Variants in POF1B observed in about 807,000 individuals in gnomAD.
The protein encoded by POF1B is protein POF1B.
POF1B carries 53 observed loss-of-function variants against 55.3 expected under a neutral mutation model. The observed-to-expected ratio is 0.96, with a 90% CI of 0.77 to 1.20. POF1B has a LOEUF of 1.20. Ranked by LOEUF, POF1B falls within the 50% of genes most tolerant of loss-of-function variation. The pLI is 0.00. For missense variants in POF1B, 478 were observed against 420.5 expected (o/e 1.14, Z -1.20); for synonymous variants, 188 against 148.3 (o/e 1.27, Z -1.95).
intron 9 of POF1B, among the ~76,000 whole-genome samples, chrX:85,313,148 C>A (rs1332650664): frequency 1.8e-5 from 2 of 111,736 alleles, no homozygotes; most frequent in Non-Finnish European, 3.8e-5. Context: ...TCCTCTCTTG[C>A]TATTTGAATC....
chrX:85,303,510 A>G, intron 14 of POF1B, 22 bp from the exon 15 acceptor site: 3 of 1,004,966 alleles, frequency 3.0e-6, no homozygotes, highest in Non-Finnish European at 4.2e-6. Flanking sequence ...AAGATAATAT[A>G]ATCATTTGAT....
At chrX:85,290,185 C>T (rs67075411) in intron 15 of POF1B, among the ~76,000 whole-genome samples, 23,713 of 110,083 alleles carry the variant, frequency 0.22, 2,457 homozygotes, top group African/African-American at 0.4. Flanking sequence ...ATGTTTAGCT[C>T]CCACATTTAA....
rs1932765978 is a variant in POF1B at position 85,314,507 on chromosome X, C to T, written c.883-1G>A. 2.5e-6 allele frequency: 3 copies of T among 1,178,061 alleles called. No homozygotes were observed. The highest frequency in any genetic ancestry group is 3.4e-6 in the Non-Finnish European group (3 of 878,868). On this transcript the variant is annotated splice_acceptor_variant, in intron 8 of 16. Coordinates refer to ENST00000262753, the MANE Select transcript of POF1B (RefSeq NM_024921.4). LOFTEE classifies it high-confidence loss of function. ...GAATCAATGATTCAATGTCTTCCGA[C>T]TGTAAGAAAAAAAGGCTTATCCATG...
intron 3 of POF1B, among the ~76,000 whole-genome samples, chrX:85,366,121 A>C (rs1317572025): frequency 8.9e-6 from 1 of 112,262 alleles, no homozygotes; most frequent in African/African-American, 3.2e-5. Context: ...CAAACTAGGA[A>C]TCAAACATAG....
intron 15 of POF1B, among the ~76,000 whole-genome samples, chrX:85,285,452 C>G (rs1203339228): frequency 9.0e-6 from 1 of 110,776 alleles, no homozygotes; most frequent in Non-Finnish European, 1.9e-5. Flanking sequence ...ACATATACAC[C>G]ATGGAATACT....
At chrX:85,328,168 T>TTTTATTTATTTA (rs200508166) in intron 7 of POF1B, among the ~76,000 whole-genome samples, 38 of 100,500 alleles carry the variant, frequency 3.8e-4, no homozygotes, top group Middle Eastern at 5.1e-3. Context: ...ACAATATCTT[T>TTTTATTTATTTA]TTTATTTATT....
At chrX:85,307,540 C>G (rs1338089235) in intron 10 of POF1B, among the ~76,000 whole-genome samples, 2 of 111,031 alleles carry the variant, frequency 1.8e-5, no homozygotes, top group Non-Finnish European at 3.8e-5. Flanking sequence ...TGTTTTCCTC[C>G]AATCTACAAA....
At chrX:85,300,015 G>T (rs1337558649) in intron 15 of POF1B, among the ~76,000 whole-genome samples, 1 of 112,607 alleles carries the variant, frequency 8.9e-6, no homozygotes, top group Non-Finnish European at 1.9e-5. Flanking sequence ...GGGAACATTT[G>T]TCGAAAATAA....
chrX:85,314,291 A>G, intron 9 of POF1B, 141 bp downstream of exon 9: 1 of 438,854 alleles, frequency 2.3e-6, no homozygotes, highest in African/African-American at 2.5e-5. Flanking sequence ...ACTGAAATAT[A>G]TCCCTTGTCT....
At chrX:85,313,452 G>C (rs1035907563) in intron 9 of POF1B, among the ~76,000 whole-genome samples, 1 of 111,914 alleles carries the variant, frequency 8.9e-6, no homozygotes, top group Non-Finnish European at 1.9e-5. Flanking sequence ...TTTTGTCATT[G>C]ATTCTGTTTA....
At chrX:85,315,465 A>T (rs1932779297) in intron 8 of POF1B, among the ~76,000 whole-genome samples, 1 of 111,263 alleles carries the variant, frequency 9.0e-6, no homozygotes, top group Non-Finnish European at 1.9e-5. Flanking sequence ...CATTGCAATA[A>T]GCATAGACAA....
chrX:85,334,253 G>A (rs1933025933), intron 6 of POF1B, among the ~76,000 whole-genome samples: 1 of 110,534 alleles, frequency 9.0e-6, no homozygotes, highest in Admixed American at 9.7e-5. Flanking sequence ...AGCAGTAATG[G>A]ATAGAAGTTT....
intron 3 of POF1B, among the ~76,000 whole-genome samples, chrX:85,366,250 A>G (rs1434189751): frequency 9.0e-6 from 1 of 111,385 alleles, no homozygotes; most frequent in Non-Finnish European, 1.9e-5. Context: ...AGGCTGGAAT[A>G]TGTAGCCATT....
At chrX:85,325,418 G>A (rs1199928760) in intron 7 of POF1B, among the ~76,000 whole-genome samples, 1 of 111,739 alleles carries the variant, frequency 8.9e-6, no homozygotes, top group Admixed American at 9.5e-5. Flanking sequence ...ATTTTGGTGA[G>A]CCAGTCTTCA....
At chrX:85,329,267 A>G (rs1932938558) in intron 7 of POF1B, among the ~76,000 whole-genome samples, 1 of 111,886 alleles carries the variant, frequency 8.9e-6, no homozygotes, top group Non-Finnish European at 1.9e-5. Context: ...TAAAATAATG[A>G]ACATGTGTAA....
At chrX:85,343,278 A>T (rs182166348) in intron 6 of POF1B, among the ~76,000 whole-genome samples, 4 of 111,469 alleles carry the variant, frequency 3.6e-5, no homozygotes, top group African/African-American at 9.7e-5. Flanking sequence ...AGCTACATAG[A>T]AATCTCAAAC....
At chrX:85,353,214 G>A (rs976742201) in intron 4 of POF1B, among the ~76,000 whole-genome samples, 1 of 110,962 alleles carries the variant, frequency 9.0e-6, no homozygotes, top group African/African-American at 3.3e-5. Flanking sequence ...TATTCCAAGT[G>A]AAGGAAACAA....
rs1764743422 is a variant in POF1B, at chrX:85,345,848, G to A, written c.723+12C>T. The A allele has an allele frequency of 8.5e-7, 1 of 1,178,575 alleles. No individual in the cohort carries two copies. The highest frequency in any genetic ancestry group is 1.8e-5 in the African/African-American group (1 of 56,174). ...ATTTCAGTTTGTTAAGGAATCAGCT[G>A]ATTGATCTTACCTGCTCACAAATCT... On this transcript the variant is annotated intron_variant, in intron 6 of 16. Transcript: ENST00000262753.
intron 2 of POF1B, among the ~76,000 whole-genome samples, chrX:85,373,417 T>A (rs1933868566): frequency 8.9e-6 from 1 of 112,071 alleles, no homozygotes; most frequent in South Asian, 3.7e-4. Flanking sequence ...TAATAATGCA[T>A]GTTTTATCTA....
Sources: allele counts gnomAD v4.1 joint callset (sites outside exome capture counted in the v4.1 genomes callset), GRCh38; gene constraint gnomAD v4.1.1; transcripts MANE v1.5; gene names NCBI Gene and HGNC (gene_info 2026-07-23, HGNC 2026-07-21).